Variants in GLRA3 observed in about 807,000 individuals in gnomAD.
The protein encoded by GLRA3 is glycine receptor subunit alpha-3.
GLRA3 carries 44 observed loss-of-function variants against 60.4 expected under a neutral mutation model. The ratio of observed to expected loss-of-function variants is 0.73; its 90% CI spans 0.57 to 0.94. GLRA3 has a LOEUF of 0.94. Among genes scored for constraint, GLRA3 ranks in the 40% least tolerant of loss-of-function variants. The pLI is 0.00. For missense variants in GLRA3, 508 were observed against 564.6 expected, an observed-to-expected ratio of 0.90 and a Z score of 1.02; for synonymous variants, 223 against 192.9, an observed-to-expected ratio of 1.16 and a Z score of -1.29.
At chr4:174,774,376 GT>G (rs753766706) in intron 2 of GLRA3, among the ~76,000 whole-genome samples, 10 of 151,920 alleles carry the variant, frequency 6.6e-5, no homozygotes, top group Non-Finnish European at 1.3e-4. Flanking sequence ...GTGTGTGTGT[GT>G]GTATGTGTGT....
intron 7 of GLRA3, among the ~76,000 whole-genome samples, chr4:174,669,456 C>G (rs1452822745): frequency 6.6e-6 from 1 of 152,084 alleles, no homozygotes; most frequent in South Asian, 2.1e-4. Flanking sequence ...CATTTATTAT[C>G]CTGGAGGGTG....
intron 5 of GLRA3, among the ~76,000 whole-genome samples, chr4:174,707,106 G>T (rs1015563042): frequency 1.3e-5 from 2 of 152,096 alleles, no homozygotes; most frequent in African/African-American, 4.8e-5. Context: ...TTTTGAAATG[G>T]ATATCCATTT....
At chr4:174,754,153 T>C (rs1023556508) in intron 3 of GLRA3, among the ~76,000 whole-genome samples, 9 of 152,170 alleles carry the variant, frequency 5.9e-5, no homozygotes, top group Admixed American at 1.3e-4. Context: ...CTGAGCATGA[T>C]GATTATAAGG....
intron 2 of GLRA3, among the ~76,000 whole-genome samples, chr4:174,778,601 G>T (rs1293499468): frequency 1.3e-5 from 2 of 152,172 alleles, no homozygotes; most frequent in Non-Finnish European, 2.9e-5. Context: ...GACAGTGGGC[G>T]CAGGTCAGTG....
At chr4:174,780,772 A>T (rs1738835949) in intron 2 of GLRA3, among the ~76,000 whole-genome samples, 1 of 151,972 alleles carries the variant, frequency 6.6e-6, no homozygotes, top group Non-Finnish European at 1.5e-5. Flanking sequence ...AACTATCCTA[A>T]ATATATATGC....
At chr4:174,689,055 A>G (rs1199530552) in intron 5 of GLRA3, among the ~76,000 whole-genome samples, 4 of 152,200 alleles carry the variant, frequency 2.6e-5, no homozygotes, top group African/African-American at 9.6e-5. Flanking sequence ...GAGACATTCA[A>G]TGTTTTAGTT....
At chr4:174,759,157 A>T (rs1176330475) in intron 3 of GLRA3, among the ~76,000 whole-genome samples, 1 of 152,114 alleles carries the variant, frequency 6.6e-6, no homozygotes, top group South Asian at 2.1e-4. Flanking sequence ...TCAAGACAAG[A>T]AAAAGTGGCA....
intron 1 of GLRA3, among the ~76,000 whole-genome samples, chr4:174,820,718 C>T (rs1489368892): frequency 6.6e-6 from 1 of 152,168 alleles, no homozygotes; most frequent in Non-Finnish European, 1.5e-5. Flanking sequence ...TCTCAAATAA[C>T]TTATCTTCTT....
At chr4:174,822,479 T>A (rs1740777789) in intron 1 of GLRA3, among the ~76,000 whole-genome samples, 2 of 152,192 alleles carry the variant, frequency 1.3e-5, no homozygotes, top group African/African-American at 4.8e-5. Flanking sequence ...ACATTTTATT[T>A]TTTACTAATT....
chr4:174,656,876 A>G, intron 8 of GLRA3, 89 bp from the exon 9 acceptor site: 2 of 767,460 alleles, frequency 2.6e-6, no homozygotes, highest in South Asian at 2.9e-5. Flanking sequence ...ATTGGTTGTA[A>G]TTGTATATAC....
intron 7 of GLRA3, among the ~76,000 whole-genome samples, chr4:174,671,251 T>C (rs1411477994): frequency 7.2e-5 from 11 of 152,184 alleles, no homozygotes; most frequent in Non-Finnish European, 1.5e-4. Context: ...TATGTTTAAA[T>C]GGTTTGGACC....
rs13118553 is a variant in GLRA3 at position 174,639,797 on chromosome 4, T to C, written c.*3989A>G. 3 of 151,868 alleles carry C rather than the reference T, an allele frequency of 2.0e-5. No homozygotes were observed. Among genetic ancestry groups the C allele is most frequent in the Admixed American group, 6.5e-5 (1 of 15,278 alleles). 9.4% of individuals were successfully genotyped at this position (151,868 alleles called of 1,614,324 possible). A position where few individuals can be genotyped will look rare whatever the true frequency, so the allele number is the denominator to read the frequency against. On this transcript the variant is annotated 3_prime_UTR_variant, in exon 10 of 10. Transcript: ENST00000274093. ...AATGCAATTTACAGTGTACACTGCT[T>C]ATTTATCCATGAAAGGTTTATATAA... is the stretch of plus-strand genomic sequence containing the variant.
chr4:174,802,056 G>A (rs1402959476), intron 1 of GLRA3, among the ~76,000 whole-genome samples: 1 of 151,522 alleles, frequency 6.6e-6, no homozygotes, highest in Admixed American at 6.6e-5. Flanking sequence ...TGAATTAACT[G>A]AATATAATGA....
intron 1 of GLRA3, among the ~76,000 whole-genome samples, chr4:174,818,369 T>C (rs900256511): frequency 2.0e-5 from 3 of 152,202 alleles, no homozygotes; most frequent in African/African-American, 7.2e-5. Flanking sequence ...GATGTGAGAT[T>C]ATATTTATGA....
At chr4:174,752,366 A>G (rs1016895319) in intron 3 of GLRA3, among the ~76,000 whole-genome samples, 1 of 152,094 alleles carries the variant, frequency 6.6e-6, no homozygotes, top group African/African-American at 2.4e-5. Context: ...GTTAAATTTC[A>G]TCTCATAAGC....
Position 174,819,044 on chromosome 4 carries a change from T to A in GLRA3, c.71+9697A>T, listed in dbSNP as rs543003605. 6.0e-3 allele frequency among the ~76,000 whole-genome samples: 917 copies of A among 152,294 alleles called. 9 individuals carry two copies. Among genetic ancestry groups the A allele is most frequent in the African/African-American group, 0.021 (879 of 41,572 alleles). ...TTGTTTATAAAATCAAGAAAACTTG[T>A]ACGTCTCTTTTTTATTGGATGTTTG... On this transcript the variant is annotated intron_variant, in intron 1 of 9. Coordinates refer to ENST00000274093, the MANE Select transcript of GLRA3 (RefSeq NM_006529.4).
intron 5 of GLRA3, among the ~76,000 whole-genome samples, chr4:174,694,426 T>G (rs1734973787): frequency 6.6e-6 from 1 of 152,112 alleles, no homozygotes; most frequent in Non-Finnish European, 1.5e-5. Context: ...AAGTCCGCAC[T>G]ATGAAAATTA....
chr4:174,791,003 CA>C (rs34671364), intron 1 of GLRA3, among the ~76,000 whole-genome samples: 2,180 of 108,172 alleles, frequency 0.02, 42 homozygotes, highest in African/African-American at 0.047. Flanking sequence ...GACTCCATCT[CA>C]AAAAAAAAAA....
intron 1 of GLRA3, among the ~76,000 whole-genome samples, chr4:174,811,098 AAC>A (rs367625302): frequency 1.6e-4 from 24 of 149,142 alleles, no homozygotes; most frequent in East Asian, 1.2e-3. Flanking sequence ...CCACACACAT[AAC>A]ACACACACAC....
Sources: allele counts gnomAD v4.1 joint callset (sites outside exome capture counted in the v4.1 genomes callset), GRCh38; gene constraint gnomAD v4.1.1; transcripts MANE v1.5; gene names NCBI Gene and HGNC (gene_info 2026-07-23, HGNC 2026-07-21).